Variants in RSPH3 observed in about 807,000 individuals in gnomAD.
The protein encoded by RSPH3 is radial spoke head 3.
RSPH3 carries 21 observed loss-of-function variants against 43.8 expected under a neutral mutation model. The ratio of observed to expected loss-of-function variants is 0.48; its 90% CI spans 0.34 to 0.69. The LOEUF (loss-of-function observed/expected upper bound fraction) is 0.69, where lower values mean the gene tolerates loss of function less well. RSPH3 is among the 30% of genes least tolerant of loss of function. RSPH3 has a pLI of 0.01. For synonymous variants in RSPH3, 173 were observed against 179.8 expected, an observed-to-expected ratio of 0.96 and a Z score of 0.30; for missense variants, 487 against 516.0, an observed-to-expected ratio of 0.94 and a Z score of 0.54.
Position 158,974,421 on chromosome 6 carries a change from C to T in RSPH3, c.*3117G>A, listed in dbSNP as rs1299031622. The stretch of plus-strand genomic sequence containing the variant: ...CTATGCTGGAAGAGTTTTATGTTCC[C>T]AAACCATTTGCAAAAGTTGCTTACA... On this transcript the variant is annotated 3_prime_UTR_variant, in exon 8 of 8. Coordinates refer to ENST00000367069, the MANE Select transcript of RSPH3 (RefSeq NM_031924.8). The T allele has an allele frequency of 1.3e-5, 2 of 152,136 alleles. No homozygotes were observed. Among genetic ancestry groups the T allele is most frequent in the African/African-American group, 2.4e-5 (1 of 41,434 alleles). The allele number at this position is 152,136 out of a possible 1,614,324, so 9.4% of individuals were successfully genotyped here. A position where few individuals can be genotyped will look rare whatever the true frequency, so the allele number is the denominator to read the frequency against.
intron 2 of RSPH3, chr6:158,988,380 G>C (rs768229311): frequency 1.3e-5 from 2 of 152,128 alleles, no homozygotes; most frequent in Non-Finnish European, 2.9e-5. Flanking sequence ...GGGTGAATCT[G>C]TTTGGTATTC....
At chr6:158,966,731 G>T in the RSPH3 span, among the ~76,000 whole-genome samples, 1 of 150,504 alleles carries the variant, frequency 6.6e-6, no homozygotes. Context: ...TTAGTTTTGG[G>T]TTTGTCAATT....
the RSPH3 span, among the ~76,000 whole-genome samples, chr6:158,964,335 T>G: frequency 1.3e-5 from 2 of 152,194 alleles, no homozygotes; most frequent in Non-Finnish European, 2.9e-5. Context: ...TAAGGATCAA[T>G]GGGATTAGAT....
At chr6:158,985,865 G>T (rs1778217106) in intron 3 of RSPH3, among the ~76,000 whole-genome samples, 1 of 149,340 alleles carries the variant, frequency 6.7e-6, no homozygotes, top group Non-Finnish European at 1.5e-5. Flanking sequence ...CCAGGCTGGA[G>T]TGCAATGGTG....
rs1373919176 is a variant in RSPH3 at position 158,974,010 on chromosome 6, T to A, written c.*3528A>T. 1 of 152,222 alleles carries A rather than the reference T, an allele frequency of 6.6e-6. No individual in the cohort carries two copies. The highest frequency in any genetic ancestry group is 2.4e-5 in the African/African-American group (1 of 41,450). The allele number at this position is 152,222 out of a possible 1,614,324, so 9.4% of individuals were successfully genotyped here. A position where few individuals can be genotyped will look rare whatever the true frequency, so the allele number is the denominator to read the frequency against. ...TTAGTGGAGACAGGGTTTCACCATG[T>A]TGGCCAGGATGGCCTCGATCTCCTG... On this transcript the variant is annotated 3_prime_UTR_variant, in exon 8 of 8. Coordinates refer to ENST00000367069, the MANE Select transcript of RSPH3 (RefSeq NM_031924.8).
At chr6:158,971,509 C>T (rs2128603716), downstream of RSPH3, among the ~76,000 whole-genome samples, 1 of 152,288 alleles carries the variant, frequency 6.6e-6, no homozygotes, top group South Asian at 2.1e-4. Context: ...CTGAAGAATA[C>T]TCAATTTTTG....
intron 3 of RSPH3, among the ~76,000 whole-genome samples, chr6:158,984,639 G>A (rs576819805): frequency 1.7e-4 from 25 of 151,450 alleles, no homozygotes; most frequent in Admixed American, 5.9e-4. Context: ...ATGAGGCAGG[G>A]GTAATGTGGT....
rs193240174 is a variant in RSPH3, at chr6:158,982,070, A to G, written c.696+415T>C. 6.6e-5 allele frequency among the ~76,000 whole-genome samples: 10 copies of G among 152,246 alleles called. No homozygotes were observed. In the East Asian group the frequency reaches 1.9e-3, roughly 29 times the overall value. ...GAGAAAAAGAATCAGAATTCTATCC[A>G]GATCCCCTGCTTTTTACCCACAGTC... is the stretch of plus-strand genomic sequence containing the variant. On this transcript the variant is annotated intron_variant, in intron 5 of 7. Transcript: ENST00000367069.
chr6:158,999,608 T>G lies in RSPH3; in HGVS notation c.-58A>C. ...GCTTGGCTTTGAAGCAGGTGGGCGC[T>G]AAGGTGTTGTGGGACCCGGAGAGAT... On this transcript the variant is annotated 5_prime_UTR_variant, in exon 1 of 8. Coordinates refer to ENST00000367069, the MANE Select transcript of RSPH3 (RefSeq NM_031924.8). 1 of 1,612,268 alleles carries G rather than the reference T, an allele frequency of 6.2e-7. No homozygotes were observed. Among genetic ancestry groups the G allele is most frequent in the East Asian group, 2.2e-5 (1 of 44,788 alleles).
chr6:158,977,334 G>T lies in RSPH3; in HGVS notation c.*204C>A. 1.9e-6 allele frequency: 1 copy of T among 525,658 alleles called. No individual in the cohort carries two copies. Among genetic ancestry groups the T allele is most frequent in the Non-Finnish European group, 3.3e-6 (1 of 301,706 alleles). The allele number at this position is 525,658 out of a possible 1,614,324, so 32.6% of individuals were successfully genotyped here. ...TCATTAGAATTACAATATAGCCTTTGAATATTCTATTAAATAAATGAATTC... is the reference window on the plus strand; with the variant it reads ...TCATTAGAATTACAATATAGCCTTTTAATATTCTATTAAATAAATGAATTC... On this transcript the variant is annotated 3_prime_UTR_variant, in exon 8 of 8. Transcript: ENST00000367069.
chr6:158,984,920 A>T (rs527580001), intron 3 of RSPH3, among the ~76,000 whole-genome samples: 1 of 152,230 alleles, frequency 6.6e-6, no homozygotes, highest in African/African-American at 2.4e-5. Context: ...AATGACAGCC[A>T]TACACTCATT....
chr6:158,975,238 C>A lies in RSPH3; in HGVS notation c.*2300G>T, dbSNP rs1745117944. On this transcript the variant is annotated 3_prime_UTR_variant, in exon 8 of 8. Transcript: ENST00000367069. ...TAATTAAAAATTTTTGGTCTTCTTGCCAAAATTAATATCTTATAAATGTTA... is the reference window on the plus strand; with the variant it reads ...TAATTAAAAATTTTTGGTCTTCTTGACAAAATTAATATCTTATAAATGTTA... 6.6e-6 allele frequency: 1 copy of A among 151,972 alleles called. No homozygotes were observed. Among genetic ancestry groups the A allele is most frequent in the African/African-American group, 2.4e-5 (1 of 41,364 alleles). 9.4% of individuals were successfully genotyped at this position (151,972 alleles called of 1,614,324 possible). A position where few individuals can be genotyped will look rare whatever the true frequency, so the allele number is the denominator to read the frequency against.
the RSPH3 span, among the ~76,000 whole-genome samples, chr6:158,967,034 A>G: frequency 6.6e-6 from 1 of 151,372 alleles, no homozygotes; most frequent in Non-Finnish European, 1.5e-5. Context: ...TTTTAAAGAC[A>G]TGGTCTCACT....
downstream of RSPH3, among the ~76,000 whole-genome samples, chr6:158,972,551 TC>T (rs1777707973): frequency 1.3e-5 from 2 of 152,206 alleles, no homozygotes; most frequent in African/African-American, 4.8e-5. Context: ...TGGCAGCAAG[TC>T]AACCTTACCT....
chr6:158,996,628 G>A (rs1778606250), intron 1 of RSPH3, among the ~76,000 whole-genome samples: 1 of 152,160 alleles, frequency 6.6e-6, no homozygotes, highest in Non-Finnish European at 1.5e-5. Context: ...TCATAAGTTA[G>A]TTATCCATTC....
At chr6:158,986,172 C>A in intron 3 of RSPH3, 108 bp downstream of exon 3, 1 of 1,039,070 alleles carries the variant, frequency 9.6e-7, no homozygotes, top group African/African-American at 1.6e-5. Flanking sequence ...GGGGAAGTAT[C>A]AGAGAGCACA....
chr6:158,963,358 CTT>C, the RSPH3 span, among the ~76,000 whole-genome samples: 2,259 of 146,116 alleles, frequency 0.015, 26 homozygotes, highest in Middle Eastern at 0.032. Flanking sequence ...TCCTTTCTTT[CTT>C]TCAGATAGGG....
Position 158,980,883 on chromosome 6 carries a change from T to C in RSPH3, c.750A>G (p.Ser250=). 1 of 1,614,186 alleles carries C rather than the reference T, an allele frequency of 6.2e-7. No individual in the cohort carries two copies. The highest frequency in any genetic ancestry group is 8.5e-7 in the Non-Finnish European group (1 of 1,180,022). The part of the protein sequence containing the change: ...WEIMHKHNET[S]QKIAARAFAQ... Reference sequence around the variant, plus strand: ...CAAATGCTCGGGCGGCGATTTTTTGTGATGTCTCGTTGTGCTTGTGCATTA... The same window carrying C: ...CAAATGCTCGGGCGGCGATTTTTTGCGATGTCTCGTTGTGCTTGTGCATTA... Residue 250 remains serine, a synonymous_variant, in exon 6 of 8, where the codon TCA becomes TCG. Coordinates refer to ENST00000367069, the MANE Select transcript of RSPH3 (RefSeq NM_031924.8).
chr6:158,987,334 A>G (rs1308326618), intron 2 of RSPH3, among the ~76,000 whole-genome samples: 1 of 152,020 alleles, frequency 6.6e-6, no homozygotes, highest in Non-Finnish European at 1.5e-5. Flanking sequence ...CCATCCCTTT[A>G]CTTTCAGTCT....
Sources: gnomAD v4.1 joint callset for allele counts (sites outside exome capture counted in the v4.1 genomes callset) on GRCh38, gnomAD v4.1.1 for gene constraint, MANE v1.5 for transcripts, NCBI Gene and HGNC (gene_info 2026-07-23, HGNC 2026-07-21) for gene names.